CCPG1: variants seen among roughly 807,000 people sequenced by gnomAD.
CCPG1 encodes the protein cell cycle progression protein 1.
Under a neutral mutation model 81.3 loss-of-function variants are expected in CCPG1, and 46 were observed. The ratio of observed to expected loss-of-function variants is 0.57; its 90% CI spans 0.45 to 0.72. The LOEUF is 0.72. Among genes scored for constraint, CCPG1 ranks in the 30% least tolerant of loss-of-function variants. The pLI is 0.00. For synonymous variants in CCPG1, 330 were observed against 305.2 expected, an observed-to-expected ratio of 1.08 and a Z score of -0.85; for missense variants, 902 against 937.6, an observed-to-expected ratio of 0.96 and a Z score of 0.50.
chr15:55,370,320 G>T (rs2056420369), intron 6 of CCPG1, among the ~76,000 whole-genome samples: 1 of 152,170 alleles, frequency 6.6e-6, no homozygotes, highest in African/African-American at 2.4e-5. Context: ...TAAGACTGTG[G>T]ATTATGCAGG....
At chr15:55,383,622 T>C (rs1388340213) in intron 3 of CCPG1, among the ~76,000 whole-genome samples, 1 of 152,250 alleles carries the variant, frequency 6.6e-6, no homozygotes, top group African/African-American at 2.4e-5. Flanking sequence ...ATCCATTATC[T>C]CAGTTAGATC....
intron 6 of CCPG1, among the ~76,000 whole-genome samples, chr15:55,370,020 A>G (rs1222031551): frequency 6.6e-6 from 1 of 152,174 alleles, no homozygotes; most frequent in Non-Finnish European, 1.5e-5. Flanking sequence ...ATATATTTCA[A>G]ATCAAATCTT....
chr15:55,377,277 T>C (rs982366251), intron 4 of CCPG1, 127 bp from the exon 5 acceptor site: 17 of 679,270 alleles, frequency 2.5e-5, no homozygotes, highest in Non-Finnish European at 3.9e-5. Context: ...ATTCCTACTA[T>C]TAGTAAAGAA....
intron 1 of CCPG1, among the ~76,000 whole-genome samples, chr15:55,394,004 CTG>C (rs2056971560): frequency 1.3e-5 from 2 of 152,316 alleles, no homozygotes; most frequent in South Asian, 4.1e-4. Flanking sequence ...CTTGCTTTGT[CTG>C]TGTGTTTTGT....
At chr15:55,365,848 T>C (rs748785763) in intron 6 of CCPG1, among the ~76,000 whole-genome samples, 18 of 151,948 alleles carry the variant, frequency 1.2e-4, no homozygotes, top group African/African-American at 2.2e-4. Context: ...TCCCAGCACA[T>C]TGGGAGGCCA....
At chr15:55,362,791 C>G (rs965281872) in intron 7 of CCPG1, among the ~76,000 whole-genome samples, 2 of 152,114 alleles carry the variant, frequency 1.3e-5, no homozygotes, top group African/African-American at 4.8e-5. Flanking sequence ...CCTTTAATCC[C>G]AGTATTTTGA....
chr15:55,389,980 G>A (rs7177224), intron 1 of CCPG1, among the ~76,000 whole-genome samples: 7,654 of 152,308 alleles, frequency 0.05, 657 homozygotes, highest in African/African-American at 0.18. Context: ...TTGGAGTGCG[G>A]TGGCACGATC....
intron 8 of CCPG1, chr15:55,358,798 A>T: frequency 1.0e-6 from 1 of 983,912 alleles, no homozygotes; most frequent in Non-Finnish European, 1.2e-6. Context: ...TTATAGGACT[A>T]GATACCAGCT....
intron 1 of CCPG1, among the ~76,000 whole-genome samples, chr15:55,391,873 A>T (rs1325266715): frequency 3.8e-5 from 2 of 53,190 alleles, no homozygotes; most frequent in African/African-American, 9.8e-5. Flanking sequence ...TTGACTCTTT[A>T]AAAAAAAAAA....
chr15:55,374,096 A>T, intron 5 of CCPG1: 1 of 947,958 alleles, frequency 1.1e-6, no homozygotes, highest in South Asian at 1.4e-5. Context: ...CTCGGTAAAT[A>T]GTAAATGTGA....
At chr15:55,407,001 T>A (rs1246800246) in intron 1 of CCPG1, among the ~76,000 whole-genome samples, 1 of 146,676 alleles carries the variant, frequency 6.8e-6, no homozygotes, top group Non-Finnish European at 1.5e-5. Flanking sequence ...GATCACGAGG[T>A]CAGGAGTCCA....
chr15:55,358,858 T>C (rs2056134626), intron 8 of CCPG1: 20 of 970,330 alleles, frequency 2.1e-5, no homozygotes, highest in Non-Finnish European at 2.4e-5. Context: ...AGACACATTA[T>C]ATTTATTCAG....
In CCPG1 at chr15:55,359,804, T is replaced by A; in HGVS notation, c.1969A>T (p.Arg657Ter). 1 of 1,613,318 alleles carries A rather than the reference T, an allele frequency of 6.2e-7. No homozygotes were observed. The highest frequency in any genetic ancestry group is 1.3e-5 in the African/African-American group (1 of 75,022). Residue 657 changes from arginine to a stop codon, truncating the protein, a stop_gained, in exon 8 of 9, where the codon AGA (arginine) becomes TGA (stop). Coordinates refer to ENST00000442196, the MANE Select transcript of CCPG1 (RefSeq NM_001204450.2). LOFTEE classifies it high-confidence loss of function. ...VVNPIRMDEF[R>*]QIIQRYMLKE... ...AACATGTACCTTTGAATTATCTGTCTAAATTCATCCATCCTTATAGGATTC... is the reference window on the plus strand; with the variant it reads ...AACATGTACCTTTGAATTATCTGTCAAAATTCATCCATCCTTATAGGATTC...
chr15:55,388,925 G>A (rs1460817409), intron 2 of CCPG1, among the ~76,000 whole-genome samples: 1 of 151,630 alleles, frequency 6.6e-6, no homozygotes, highest in Admixed American at 6.6e-5. Flanking sequence ...AAAATTAGCT[G>A]GGCATGGTAG....
chr15:55,367,865 G>T (rs1595828318), intron 6 of CCPG1, among the ~76,000 whole-genome samples: 1 of 151,778 alleles, frequency 6.6e-6, no homozygotes, highest in African/African-American at 2.4e-5. Flanking sequence ...AATTGTCAAG[G>T]TCCTCCTCAC....
chr15:55,404,783 A>G (rs2057185719), intron 1 of CCPG1, among the ~76,000 whole-genome samples: 1 of 152,128 alleles, frequency 6.6e-6, no homozygotes, highest in African/African-American at 2.4e-5. Context: ...TAAAATTTTA[A>G]AATTAGGGCC....
intron 2 of CCPG1, 49 bp downstream of exon 2, chr15:55,389,316 G>T: frequency 2.4e-6 from 3 of 1,275,434 alleles, no homozygotes; most frequent in Non-Finnish European, 3.4e-6. Context: ...TACATCACTG[G>T]TAACATTAAT....
chr15:55,393,341 G>A (rs965060786), intron 1 of CCPG1, among the ~76,000 whole-genome samples: 5 of 152,062 alleles, frequency 3.3e-5, no homozygotes, highest in African/African-American at 9.7e-5. Context: ...TTGGGAAGCC[G>A]AGGCAGGAGG....
At chr15:55,366,730 C>A (rs1207411542) in intron 6 of CCPG1, among the ~76,000 whole-genome samples, 1 of 152,148 alleles carries the variant, frequency 6.6e-6, no homozygotes, top group Non-Finnish European at 1.5e-5. Context: ...CAAGATCGCG[C>A]CACTGCACTC....
Sources: gnomAD v4.1 joint callset for allele counts (sites outside exome capture counted in the v4.1 genomes callset) on GRCh38, gnomAD v4.1.1 for gene constraint, MANE v1.5 for transcripts, NCBI Gene and HGNC (gene_info 2026-07-23, HGNC 2026-07-21) for gene names.